AKAP6: variants seen among roughly 807,000 people sequenced by gnomAD.
AKAP6 encodes A-kinase anchor protein 6.
Under a neutral mutation model 188.5 loss-of-function variants are expected in AKAP6, and 58 were observed. The observed-to-expected ratio is 0.31, with a 90% CI of 0.25 to 0.38. The LOEUF (loss-of-function observed/expected upper bound fraction) is 0.38. Ranked by LOEUF, AKAP6 falls within the 10% of genes least tolerant of loss-of-function variation. The pLI is 1.00. For missense variants in AKAP6, 2,710 were observed against 2,740.0 expected, an observed-to-expected ratio of 0.99 and a Z score of 0.24; for synonymous variants, 989 against 998.6, an observed-to-expected ratio of 0.99 and a Z score of 0.18.
chr14:32,823,002 G>A lies in AKAP6; in HGVS notation c.5189G>A (p.Ser1730Asn), dbSNP rs762576233. ...KRLTRSVADE[S>N]DVNVSMIVNV... Reference sequence around the variant, plus strand: ...CTGACTCGTTCAGTGGCTGATGAAAGCGATGTCAATGTCAGCATGATTGTT... The same window carrying A: ...CTGACTCGTTCAGTGGCTGATGAAAACGATGTCAATGTCAGCATGATTGTT... The change falls in exon 13 of 14, where the codon AGC (serine) becomes AAC (asparagine). Residue 1730 changes from serine to asparagine, a missense_variant. Physicochemically the swap from Ser to Asn is conservative, Grantham distance 46. Around this residue, in one of 2 missense-constraint regions of AKAP6, gnomAD observed 2,473 missense variants for 2,426.1 expected, o/e 1.02. Coordinates refer to ENST00000280979, the MANE Select transcript of AKAP6 (RefSeq NM_004274.5). 5.6e-6 allele frequency: 9 copies of A among 1,613,796 alleles called. No individual in the cohort carries two copies. Among genetic ancestry groups the A allele is most frequent in the African/African-American group, 2.7e-5 (2 of 74,872 alleles).
chr14:32,593,693 G>A (rs1885576175), intron 5 of AKAP6, among the ~76,000 whole-genome samples: 1 of 152,172 alleles, frequency 6.6e-6, no homozygotes, highest in Admixed American at 6.5e-5. Flanking sequence ...TCAAGGGCTG[G>A]AAAATATTGA....
At position 32,835,271 on chromosome 14, in the gene AKAP6, T is replaced by A. The variant is rs967440031; in HGVS notation, c.*5466T>A. 1.3e-5 allele frequency: 2 copies of A among 152,206 alleles called. No homozygotes were observed. The highest frequency in any genetic ancestry group is 2.9e-5 in the Non-Finnish European group (2 of 68,038). The allele number at this position is 152,206 out of a possible 1,614,324, so 9.4% of individuals were successfully genotyped here. Reference sequence around the variant, plus strand: ...TAAACACCGGCAATAGTTGTGTTTTTTTTTTCTTTTTACTTCCTAGATTTT... The same window carrying A: ...TAAACACCGGCAATAGTTGTGTTTTATTTTTCTTTTTACTTCCTAGATTTT... On this transcript the variant is annotated 3_prime_UTR_variant, in exon 14 of 14. Transcript: ENST00000280979.
intron 8 of AKAP6, among the ~76,000 whole-genome samples, chr14:32,685,438 C>A (rs1383386037): frequency 6.6e-6 from 1 of 151,796 alleles, no homozygotes; most frequent in African/African-American, 2.4e-5. Context: ...TAGAAGAGGT[C>A]TGGCCGGGTG....
intron 5 of AKAP6, among the ~76,000 whole-genome samples, chr14:32,591,089 A>G (rs1268521098): frequency 1.3e-5 from 2 of 152,176 alleles, no homozygotes; most frequent in East Asian, 3.9e-4. Flanking sequence ...CGTGTGAATA[A>G]TATACTTATA....
intron 4 of AKAP6, among the ~76,000 whole-genome samples, chr14:32,572,158 T>C (rs981746675): frequency 6.6e-6 from 1 of 152,162 alleles, no homozygotes; most frequent in Admixed American, 6.6e-5. Flanking sequence ...TGTGGTACAG[T>C]GGGAGGAATA....
Position 32,829,866 on chromosome 14 carries a change from CA to C in AKAP6, c.*62del. The C allele has an allele frequency of 2.8e-6, 2 of 702,134 alleles. No individual in the cohort carries two copies. The highest frequency in any genetic ancestry group is 1.7e-5 in the African/African-American group (1 of 57,310). 43.5% of individuals were successfully genotyped at this position (702,134 alleles called of 1,614,324 possible). A position where few individuals can be genotyped will look rare whatever the true frequency, so the allele number is the denominator to read the frequency against. On this transcript the variant is annotated 3_prime_UTR_variant, in exon 14 of 14. Coordinates refer to ENST00000280979, the MANE Select transcript of AKAP6 (RefSeq NM_004274.5). ...CTTGTAGATACGCCTGGCTGCAACT[CA>C]GGGGTGGCCTCATCCTCCCGCCCTG... is the stretch of plus-strand genomic sequence containing the variant.
At chr14:32,766,477 G>A (rs751897311) in intron 11 of AKAP6, among the ~76,000 whole-genome samples, 32 of 152,086 alleles carry the variant, frequency 2.1e-4, no homozygotes, top group Admixed American at 3.9e-4. Context: ...CCCACTAATG[G>A]ATGAGGGTTC....
chr14:32,525,566 C>T (rs758011401), intron 2 of AKAP6, among the ~76,000 whole-genome samples: 2 of 152,176 alleles, frequency 1.3e-5, no homozygotes, highest in African/African-American at 2.4e-5. Context: ...CAAATCTGCT[C>T]GCTTTTTCAG....
intron 7 of AKAP6, among the ~76,000 whole-genome samples, chr14:32,660,797 G>A (rs1357825298): frequency 2.6e-5 from 4 of 151,858 alleles, no homozygotes; most frequent in Non-Finnish European, 4.4e-5. Context: ...TGAGGGAAGT[G>A]GAGTATTTAA....
At chr14:32,577,411 C>A (rs922638362) in intron 5 of AKAP6, among the ~76,000 whole-genome samples, 169 bp downstream of exon 5, 2 of 152,152 alleles carry the variant, frequency 1.3e-5, no homozygotes, top group African/African-American at 2.4e-5. Flanking sequence ...TCAAGTAATA[C>A]TATGAAACCT....
intron 8 of AKAP6, among the ~76,000 whole-genome samples, chr14:32,678,873 G>C (rs1309784948): frequency 1.3e-5 from 2 of 152,122 alleles, no homozygotes; most frequent in East Asian, 1.9e-4. Context: ...TAATTTTCCT[G>C]AATAGTGTAG....
chr14:32,450,611 A>C (rs376659372), intron 2 of AKAP6, among the ~76,000 whole-genome samples: 30 of 152,326 alleles, frequency 2.0e-4, no homozygotes, highest in African/African-American at 5.3e-4. Context: ...AGTACTGAAC[A>C]TACCTAAAGC....
Position 32,546,468 on chromosome 14 carries a change from A to G in AKAP6, c.1815A>G (p.Lys605=), listed in dbSNP as rs989895450. 1.9e-6 allele frequency: 3 copies of G among 1,614,076 alleles called. No homozygotes were observed. In the African/African-American group the frequency reaches 4.0e-5, roughly 22 times the overall value. ...VPLLSKHKSK[K]GQASSPSHVT... ...TTCTTTCAAAACACAAAAGCAAAAAAGGTCAAGCCTCCTCTCCAAGTCACG... is the reference window on the plus strand; with the variant it reads ...TTCTTTCAAAACACAAAAGCAAAAAGGGTCAAGCCTCCTCTCCAAGTCACG... Residue 605 remains lysine (K), a synonymous_variant, in exon 4 of 14, where the codon AAA becomes AAG. Transcript: ENST00000280979.
chr14:32,536,504 T>A (rs1273753982), intron 3 of AKAP6, among the ~76,000 whole-genome samples: 2 of 152,170 alleles, frequency 1.3e-5, no homozygotes, highest in African/African-American at 4.8e-5. Flanking sequence ...ATCATGAAGA[T>A]AAAGAGCTTT....
intron 1 of AKAP6, among the ~76,000 whole-genome samples, chr14:32,354,218 G>C (rs1438997309): frequency 6.7e-6 from 1 of 150,216 alleles, no homozygotes; most frequent in African/African-American, 2.5e-5. Flanking sequence ...ATACTACAAG[G>C]CTACAGTAAC....
At chr14:32,521,066 A>T (rs1427448412) in intron 2 of AKAP6, among the ~76,000 whole-genome samples, 1 of 152,238 alleles carries the variant, frequency 6.6e-6, no homozygotes, top group South Asian at 2.1e-4. Context: ...AATCCATCAT[A>T]TAAACAGAAC....
intron 7 of AKAP6, among the ~76,000 whole-genome samples, chr14:32,676,250 T>G (rs1889420612): frequency 6.6e-6 from 1 of 152,210 alleles, no homozygotes; most frequent in African/African-American, 2.4e-5. Context: ...GTAATCTCAA[T>G]TTTCTCATAA....
intron 1 of AKAP6, among the ~76,000 whole-genome samples, chr14:32,361,161 AG>A (rs1887650984): frequency 6.6e-6 from 1 of 151,816 alleles, no homozygotes. Context: ...TAAATGGCAT[AG>A]GATGAGGGGA....
chr14:32,334,166 A>G (rs1009219824), intron 1 of AKAP6, among the ~76,000 whole-genome samples: 1 of 152,178 alleles, frequency 6.6e-6, no homozygotes, highest in Non-Finnish European at 1.5e-5. Context: ...TAGGTACAGT[A>G]GCCCCTTCCG....
Sources: allele counts gnomAD v4.1 joint callset (sites outside exome capture counted in the v4.1 genomes callset), GRCh38; gene constraint gnomAD v4.1.1; regional missense constraint gnomAD v4.1.1; transcripts MANE v1.5; gene names NCBI Gene and HGNC (gene_info 2026-07-23, HGNC 2026-07-21).